Variants in RALGPS2 observed in about 807,000 individuals in gnomAD.
The protein encoded by RALGPS2 is Ral GEF with PH domain and SH3 binding motif 2.
Under a neutral mutation model 86.8 loss-of-function variants are expected in RALGPS2, and 43 were observed. That is an observed-to-expected ratio of 0.50 (90% CI 0.39 to 0.64). The LOEUF is 0.64. RALGPS2 is among the 30% of genes least tolerant of loss of function. The pLI, the probability that RALGPS2 is intolerant of heterozygous loss-of-function variation, is 0.00. For synonymous variants in RALGPS2, 243 were observed against 231.3 expected (o/e 1.05, Z -0.46); for missense variants, 536 against 694.6 (o/e 0.77, Z 2.57).
At chr1:178,752,347 G>GT (rs1341632967) in intron 1 of RALGPS2, among the ~76,000 whole-genome samples, 5 of 151,030 alleles carry the variant, frequency 3.3e-5, no homozygotes, top group African/African-American at 1.2e-4. Context: ...ATTGGTGGCG[G>GT]GGGGGAGGGT....
intron 1 of RALGPS2, among the ~76,000 whole-genome samples, chr1:178,773,316 C>T (rs948182923): frequency 6.6e-6 from 1 of 151,906 alleles, no homozygotes; most frequent in African/African-American, 2.4e-5. Flanking sequence ...CATGCTCCAG[C>T]CTGCATGACA....
rs57628726 is a variant in RALGPS2, at chr1:178,731,272, G to GTTTTTTTTTTTTT, written c.-84+5870_-84+5882dup. The stretch of plus-strand genomic sequence containing the variant: ...TGATTATACTTTTCTAGTTGTTTTG[G>GTTTTTTTTTTTTT]TTTTTTTTTTTTTTTTTTTTTTTTT... On this transcript the variant is annotated intron_variant, in intron 1 of 19. Transcript: ENST00000367635. 8.3e-4 allele frequency among the ~76,000 whole-genome samples: 48 copies of GTTTTTTTTTTTTT among 57,970 alleles called. 2 individuals are homozygous for GTTTTTTTTTTTTT. Among genetic ancestry groups the GTTTTTTTTTTTTT allele is most frequent in the Non-Finnish European group, 1.1e-3 (37 of 33,076 alleles). The allele number at this position is 57,970 out of a possible 152,430, so 38.0% of individuals were successfully genotyped here.
chr1:178,765,337 G>T (rs558904860), intron 1 of RALGPS2, among the ~76,000 whole-genome samples: 5 of 151,968 alleles, frequency 3.3e-5, no homozygotes, highest in Non-Finnish European at 7.4e-5. Context: ...TTAAAGCTGG[G>T]TGTCCAGGGG....
At chr1:178,793,401 CTTTTTTTTTT>C (rs76555147) in intron 4 of RALGPS2, among the ~76,000 whole-genome samples, 1 of 110,026 alleles carries the variant, frequency 9.1e-6, no homozygotes, top group Non-Finnish European at 2.0e-5. Context: ...CCACAGGGGT[CTTTTTTTTTT>C]TTTTTTTTTT....
chr1:178,742,825 C>T (rs1260327916), intron 1 of RALGPS2, among the ~76,000 whole-genome samples: 1 of 152,164 alleles, frequency 6.6e-6, no homozygotes, highest in Non-Finnish European at 1.5e-5. Context: ...TCTTTGGAAA[C>T]TAAACAACAC....
chr1:178,884,243 C>T (rs1226433630), intron 11 of RALGPS2, among the ~76,000 whole-genome samples: 1 of 152,088 alleles, frequency 6.6e-6, no homozygotes, highest in Non-Finnish European at 1.5e-5. Context: ...CAAATGTTCA[C>T]TTTAATACTA....
At chr1:178,851,049 T>G in intron 8 of RALGPS2, 1 of 1,335,544 alleles carries the variant, frequency 7.5e-7, no homozygotes, top group Non-Finnish European at 1.0e-6. Flanking sequence ...TTGTGCCAAG[T>G]AATATACATG....
chr1:178,752,580 A>T (rs192254308), intron 1 of RALGPS2, among the ~76,000 whole-genome samples: 93 of 152,336 alleles, frequency 6.1e-4, no homozygotes, highest in East Asian at 2.1e-3. Flanking sequence ...AAAGAGTAAA[A>T]TGTAACATTT....
Position 178,839,664 on chromosome 1 carries a change from A to G in RALGPS2, c.607+6114A>G, listed in dbSNP as rs112386821. Among the ~76,000 whole-genome samples, 194 of 152,316 alleles carry G rather than the reference A, an allele frequency of 1.3e-3. 2 individuals are homozygous for G. Among genetic ancestry groups the G allele is most frequent in the African/African-American group, 4.3e-3 (178 of 41,558 alleles). Reference sequence around the variant, plus strand: ...CAGGATCAAATTCACACATAACAATATTAACTAAATGTAAATGGGCTAAAT... The same window carrying G: ...CAGGATCAAATTCACACATAACAATGTTAACTAAATGTAAATGGGCTAAAT... On this transcript the variant is annotated intron_variant, in intron 8 of 19. Transcript: ENST00000367635.
At chr1:178,856,234 T>TATATATACAC (rs1368301659) in intron 8 of RALGPS2, among the ~76,000 whole-genome samples, 4 of 128,768 alleles carry the variant, frequency 3.1e-5, no homozygotes, top group Admixed American at 8.0e-5. Flanking sequence ...TATATATATA[T>TATATATACAC]GGTTTTGGGT....
chr1:178,732,250 C>G (rs1650409636), intron 1 of RALGPS2, among the ~76,000 whole-genome samples: 1 of 152,044 alleles, frequency 6.6e-6, no homozygotes, highest in Non-Finnish European at 1.5e-5. Flanking sequence ...GCAGTAAGGG[C>G]TCACTTGAGA....
chr1:178,849,011 T>TG (rs1657013106), intron 8 of RALGPS2, among the ~76,000 whole-genome samples: 1 of 152,220 alleles, frequency 6.6e-6, no homozygotes, highest in Non-Finnish European at 1.5e-5. Flanking sequence ...AGTACGTAGA[T>TG]GAGTAGTAAT....
chr1:178,780,366 A>G (rs535436839), intron 2 of RALGPS2, among the ~76,000 whole-genome samples: 2 of 152,244 alleles, frequency 1.3e-5, no homozygotes, highest in East Asian at 1.9e-4. Context: ...TTTCTTGTCT[A>G]GATTAGTGCC....
intron 1 of RALGPS2, chr1:178,747,191 C>T (rs1651386222): frequency 5.1e-6 from 6 of 1,172,276 alleles, no homozygotes; most frequent in Non-Finnish European, 5.1e-6. Context: ...GCGTCCAGTG[C>T]CTGCACTACG....
At chr1:178,855,275 A>G (rs1292265788) in intron 8 of RALGPS2, among the ~76,000 whole-genome samples, 1 of 149,378 alleles carries the variant, frequency 6.7e-6, no homozygotes, top group African/African-American at 2.5e-5. Flanking sequence ...TTCCTTGTAG[A>G]TTGTTCCGTG....
chr1:178,907,106 G>T (rs1315160452), intron 19 of RALGPS2, among the ~76,000 whole-genome samples: 1 of 152,172 alleles, frequency 6.6e-6, no homozygotes, highest in South Asian at 2.1e-4. Context: ...AACAATAGAC[G>T]TATGTGATAT....
intron 8 of RALGPS2, among the ~76,000 whole-genome samples, chr1:178,863,959 C>T (rs1008768776): frequency 6.6e-6 from 1 of 152,026 alleles, no homozygotes; most frequent in Non-Finnish European, 1.5e-5. Flanking sequence ...TATGTCCTGC[C>T]TTTTCAATAA....
chr1:178,858,236 C>A (rs948913402), intron 8 of RALGPS2, among the ~76,000 whole-genome samples: 12 of 152,040 alleles, frequency 7.9e-5, no homozygotes, highest in African/African-American at 2.9e-4. Context: ...TATTGTTGAT[C>A]CTAGCAGAAA....
At chr1:178,788,488 A>G (rs1489592792) in intron 4 of RALGPS2, among the ~76,000 whole-genome samples, 1 of 152,222 alleles carries the variant, frequency 6.6e-6, no homozygotes, top group East Asian at 1.9e-4. Context: ...AACTTTAGAT[A>G]GGATGATCAG....
Sources: allele counts gnomAD v4.1 joint callset (sites outside exome capture counted in the v4.1 genomes callset), GRCh38; gene constraint gnomAD v4.1.1; transcripts MANE v1.5; gene names NCBI Gene and HGNC (gene_info 2026-07-23, HGNC 2026-07-21).